ADGRL3: variants seen among roughly 807,000 people sequenced by gnomAD.
ADGRL3 encodes the protein adhesion G protein-coupled receptor L3.
In ADGRL3, 62 loss-of-function variants were observed where a neutral mutation model predicts 153.5. The ratio of observed to expected loss-of-function variants is 0.40; its 90% CI spans 0.33 to 0.50. ADGRL3 has a LOEUF of 0.50. Among genes scored for constraint, ADGRL3 ranks in the 20% least tolerant of loss-of-function variants. The pLI is 0.47. For missense variants in ADGRL3, 1,641 were observed against 1,859.4 expected, an observed-to-expected ratio of 0.88 and a Z score of 2.16; for synonymous variants, 710 against 672.5, an observed-to-expected ratio of 1.06 and a Z score of -0.86.
At chr4:61,644,134 T>C (rs1356687942) in intron 5 of ADGRL3, among the ~76,000 whole-genome samples, 1 of 120,408 alleles carries the variant, frequency 8.3e-6, no homozygotes, top group Non-Finnish European at 1.7e-5. Context: ...TCGGTGGTGA[T>C]ATCCCCTTTA....
chr4:61,465,865 T>C (rs924964120), intron 2 of ADGRL3, among the ~76,000 whole-genome samples: 2 of 151,288 alleles, frequency 1.3e-5, no homozygotes, highest in Non-Finnish European at 2.9e-5. Flanking sequence ...CTCACGCCTG[T>C]AACCCGAGGA....
chr4:62,067,444 A>G (rs1447988803), intron 25 of ADGRL3, among the ~76,000 whole-genome samples: 4 of 152,070 alleles, frequency 2.6e-5, no homozygotes, highest in Non-Finnish European at 5.9e-5. Context: ...AGAAAACCTA[A>G]TATTGTTGGT....
chr4:61,504,280 G>A lies in ADGRL3; in HGVS notation c.55+6932G>A, dbSNP rs116882917. ...AGAGCACTGGGATTACGGGTGTGAA[G>A]CACTGTACCCAGCCCCCTTTTACTC... On this transcript the variant is annotated intron_variant, in intron 3 of 26. Coordinates refer to ENST00000683033, the MANE Select transcript of ADGRL3 (RefSeq NM_001387552.1). Among the ~76,000 whole-genome samples, 166 of 152,248 alleles carry A rather than the reference G, an allele frequency of 1.1e-3. 2 individuals carry two copies. In the East Asian group the frequency reaches 0.03, roughly 28 times the overall value.
At chr4:61,714,609 C>T (rs924026290) in intron 6 of ADGRL3, among the ~76,000 whole-genome samples, 1 of 152,118 alleles carries the variant, frequency 6.6e-6, no homozygotes, top group Admixed American at 6.6e-5. Flanking sequence ...TGCTTGTGTG[C>T]TGTGGATGTC....
intron 1 of ADGRL3, among the ~76,000 whole-genome samples, chr4:61,287,500 T>G (rs2150092379): frequency 6.6e-6 from 1 of 152,124 alleles, no homozygotes; most frequent in Non-Finnish European, 1.5e-5. Flanking sequence ...TTTACTATTT[T>G]TATACTATTG....
intron 2 of ADGRL3, among the ~76,000 whole-genome samples, chr4:61,401,368 C>T (rs895214231): frequency 1.3e-5 from 2 of 151,594 alleles, no homozygotes; most frequent in African/African-American, 4.8e-5. Flanking sequence ...ACACATTTAG[C>T]CCAGAGATAA....
chr4:61,801,161 A>C (rs1473104918), intron 8 of ADGRL3, among the ~76,000 whole-genome samples: 2 of 152,122 alleles, frequency 1.3e-5, no homozygotes, highest in African/African-American at 4.8e-5. Context: ...TCTACTTGAG[A>C]ATATGCTTTT....
At chr4:61,525,906 A>C (rs549862029) in intron 4 of ADGRL3, among the ~76,000 whole-genome samples, 1 of 152,222 alleles carries the variant, frequency 6.6e-6, no homozygotes, top group Admixed American at 6.5e-5. Flanking sequence ...TAAAAATGTG[A>C]ATCTTTGTCA....
At chr4:61,881,368 G>A (rs2098507270) in intron 9 of ADGRL3, among the ~76,000 whole-genome samples, 1 of 152,070 alleles carries the variant, frequency 6.6e-6, no homozygotes, top group South Asian at 2.1e-4. Context: ...TTCCAAACAT[G>A]GAGGATAATT....
intron 20 of ADGRL3, among the ~76,000 whole-genome samples, 190 bp downstream of exon 20, chr4:61,996,547 G>A (rs1369192688): frequency 3.3e-5 from 5 of 152,154 alleles, no homozygotes; most frequent in Non-Finnish European, 5.9e-5. Flanking sequence ...AATCAAAACA[G>A]GTGGGAGAAG....
chr4:61,672,322 T>G (rs1224733089), intron 5 of ADGRL3, among the ~76,000 whole-genome samples: 1 of 152,106 alleles, frequency 6.6e-6, no homozygotes, highest in African/African-American at 2.4e-5. Flanking sequence ...CTTTCCTCAT[T>G]GTGTATTCTT....
intron 6 of ADGRL3, among the ~76,000 whole-genome samples, chr4:61,688,576 C>T (rs1397101953): frequency 1.3e-5 from 2 of 152,082 alleles, no homozygotes; most frequent in Non-Finnish European, 2.9e-5. Context: ...CTCTCATAGC[C>T]ATTCGAATTA....
intron 2 of ADGRL3, among the ~76,000 whole-genome samples, chr4:61,416,078 A>C (rs1578731494): frequency 6.6e-6 from 1 of 152,242 alleles, no homozygotes; most frequent in Middle Eastern, 3.4e-3. Context: ...ATTAATATAG[A>C]ATATAGTTTT....
At chr4:61,955,322 T>C (rs971616857) in intron 17 of ADGRL3, among the ~76,000 whole-genome samples, 1 of 152,176 alleles carries the variant, frequency 6.6e-6, no homozygotes, top group Non-Finnish European at 1.5e-5. Flanking sequence ...ACCTCAGATA[T>C]GTTCTTCAAA....
chr4:61,683,311 CTTG>C (rs2095376717), intron 6 of ADGRL3, among the ~76,000 whole-genome samples: 1 of 152,074 alleles, frequency 6.6e-6, no homozygotes, highest in Non-Finnish European at 1.5e-5. Flanking sequence ...TGGCATTTTG[CTTG>C]TTGTTGTGGT....
chr4:61,617,861 T>G (rs1579886846), intron 5 of ADGRL3, among the ~76,000 whole-genome samples: 1 of 152,322 alleles, frequency 6.6e-6, no homozygotes, highest in Non-Finnish European at 1.5e-5. Context: ...CTGCTTCCAT[T>G]ATCTAGCTAG....
intron 1 of ADGRL3, among the ~76,000 whole-genome samples, chr4:61,288,266 A>G (rs1003723499): frequency 3.9e-5 from 6 of 151,988 alleles, no homozygotes; most frequent in Admixed American, 1.3e-4. Flanking sequence ...CCTTTTGACT[A>G]TACATAACAG....
chr4:61,345,639 T>C (rs140294545), intron 1 of ADGRL3, among the ~76,000 whole-genome samples: 1,891 of 152,326 alleles, frequency 0.012, 14 homozygotes, highest in Non-Finnish European at 0.019. Flanking sequence ...AAATTGTACC[T>C]AGAATGTAGT....
chr4:61,495,251 T>G (rs537881067), intron 2 of ADGRL3, among the ~76,000 whole-genome samples: 11 of 152,210 alleles, frequency 7.2e-5, no homozygotes, highest in Non-Finnish European at 1.5e-4. Flanking sequence ...GATAAATTTG[T>G]GTAATTTTTG....
Sources: allele counts gnomAD v4.1 joint callset (sites outside exome capture counted in the v4.1 genomes callset), GRCh38; gene constraint gnomAD v4.1.1; transcripts MANE v1.5; gene names NCBI Gene and HGNC (gene_info 2026-07-23, HGNC 2026-07-21).